The following SLC45A4 variants were observed in gnomAD, a reference collection of about 807,000 sequenced individuals.
SLC45A4 encodes the protein polyamine-transporter SLC45A4.
A neutral mutation model predicts 63.7 loss-of-function variants in SLC45A4; 32 were observed. The ratio of observed to expected loss-of-function variants is 0.50; its 90% CI spans 0.38 to 0.67. SLC45A4 has a LOEUF of 0.67. Ranked by LOEUF, SLC45A4 falls within the 30% of genes least tolerant of loss-of-function variation. The pLI is 0.00. For missense variants in SLC45A4, 1,027 were observed against 1,157.7 expected (o/e 0.89, Z 1.64); for synonymous variants, 535 against 510.0 (o/e 1.05, Z -0.66).
intron 1 of SLC45A4, among the ~76,000 whole-genome samples, chr8:141,269,044 C>T (rs1171231306): frequency 1.3e-5 from 2 of 152,246 alleles, no homozygotes; most frequent in Non-Finnish European, 2.9e-5. Context: ...TCTGGGGCTC[C>T]ACCCCAGACC....
At chr8:141,241,431 G>C (rs780466869) in intron 2 of SLC45A4, among the ~76,000 whole-genome samples, 7 of 152,198 alleles carry the variant, frequency 4.6e-5, no homozygotes, top group Non-Finnish European at 8.8e-5. Flanking sequence ...GGAGGCTGCG[G>C]GACAGGAGTG....
At chr8:141,238,612 A>C (rs1034949220) in intron 2 of SLC45A4, among the ~76,000 whole-genome samples, 1 of 151,682 alleles carries the variant, frequency 6.6e-6, no homozygotes, top group East Asian at 1.9e-4. Context: ...GTCTTCCCCC[A>C]CCACCGCATC....
intron 2 of SLC45A4, among the ~76,000 whole-genome samples, chr8:141,231,651 A>G (rs1269280823): frequency 6.6e-6 from 1 of 152,218 alleles, no homozygotes; most frequent in Non-Finnish European, 1.5e-5. Flanking sequence ...CCTCGAGCCA[A>G]GGTGCAGGCA....
rs374846467 is a variant in SLC45A4 at position 141,278,508 on chromosome 8, G to A, written c.-400-23879C>T. ...AGGGGTGAGCACCTGTGGTGGAGGC[G>A]GGGCGGGCGGCCGACCCACGAGGAC... On this transcript the variant is annotated intron_variant, in intron 1 of 8. Transcript: ENST00000517878. This position sits in a 1 kb window ranked among gnomAD's most constrained non-coding sequence, Gnocchi z 4.1. 7.3e-5 allele frequency among the ~76,000 whole-genome samples: 11 copies of A among 151,568 alleles called. No individual in the cohort carries two copies. Among genetic ancestry groups the A allele is most frequent in the African/African-American group, 2.2e-4 (9 of 41,306 alleles).
chr8:141,307,121 A>C (rs1346871110), intron 1 of SLC45A4, among the ~76,000 whole-genome samples: 1 of 152,136 alleles, frequency 6.6e-6, no homozygotes, highest in Admixed American at 6.5e-5. Flanking sequence ...GCCTTCTAGA[A>C]TCATTCTGAA....
At chr8:141,244,077 A>C (rs1255642007) in intron 2 of SLC45A4, among the ~76,000 whole-genome samples, 1 of 152,074 alleles carries the variant, frequency 6.6e-6, no homozygotes, top group Non-Finnish European at 1.5e-5. Context: ...CTGTATACCC[A>C]ACTGCCCTCC....
At chr8:141,287,365 G>C (rs2154615213) in intron 1 of SLC45A4, among the ~76,000 whole-genome samples, 1 of 152,234 alleles carries the variant, frequency 6.6e-6, no homozygotes, top group East Asian at 1.9e-4. Context: ...GATAGGTGAG[G>C]TCACCTGGAT....
Position 141,218,743 on chromosome 8 carries a change from G to C in SLC45A4, c.897C>G (p.Asp299Glu), listed in dbSNP as rs61995886. 1.2e-6 allele frequency: 2 copies of C among 1,611,180 alleles called. No individual in the cohort carries two copies. The highest frequency in any genetic ancestry group is 1.7e-6 in the Non-Finnish European group (2 of 1,178,778). Residue 299 changes from aspartate to glutamate, a missense_variant, in exon 5 of 9, where the codon GAC becomes GAG. Asp to Glu is a conservative substitution (Grantham distance 45). Transcript: ENST00000517878. ...CGCTTTTGCTGCGCATGATGTCCAC[G>C]TCCGGGTAGTCCAGGGCCAGCTCGT... ...SEHELALDYPDVDIMRSKSDS... is the reference protein window; with the variant it reads ...SEHELALDYPEVDIMRSKSDS...
rs747733966 is a variant in SLC45A4, at chr8:141,218,416, C to T, written c.1224G>A (p.Thr408=). The T allele has an allele frequency of 1.2e-5, 19 of 1,610,910 alleles. No homozygotes were observed. Among genetic ancestry groups the T allele is most frequent in the Admixed American group, 1.2e-4 (7 of 60,006 alleles). ...YTRVDTKPSA[T]SSSMRRRRHA... ...GCCGCCGCCGCCGCATGGAGCTCGACGTGGCCGAGGGCTTCGTGTCCACCC... is the reference window on the plus strand; with the variant it reads ...GCCGCCGCCGCCGCATGGAGCTCGATGTGGCCGAGGGCTTCGTGTCCACCC... Residue 408 remains threonine (T), a synonymous_variant, in exon 5 of 9, where the codon ACG becomes ACA. Transcript: ENST00000517878.
In SLC45A4 at chr8:141,302,516, T is replaced by C. The variant is rs552326262; in HGVS notation, c.-401+5580A>G. ...ACTTGGCTAATTTTTGTATTTTTAG[T>C]AGAGATGGTTTTGCCATGTTGGCCA... On this transcript the variant is annotated intron_variant, in intron 1 of 8. Transcript: ENST00000517878. Among the ~76,000 whole-genome samples the C allele has an allele frequency of 2.0e-5, 3 of 152,160 alleles. No homozygotes were observed. The East Asian group carries it at 5.8e-4, about 29-fold the overall frequency.
rs370052218 is a variant in SLC45A4, at chr8:141,212,322, C to A, written c.2176G>T (p.Glu726Ter). The A allele has an allele frequency of 6.2e-6, 10 of 1,611,126 alleles. No homozygotes were observed. In the African/African-American group the frequency reaches 8.0e-5, roughly 13 times the overall value. Residue 726 changes from glutamate (E) to a stop codon, truncating the protein, a stop_gained, in exon 8 of 9, where the codon GAG (glutamate) becomes TAG (stop). Coordinates refer to ENST00000517878, the MANE Select transcript of SLC45A4 (RefSeq NM_001286646.2). LOFTEE classifies it high-confidence loss of function. ...YPNVSEEAKEEQKGLSSPLAG... is the reference protein window; with the variant it reads ...YPNVSEEAKE Reference sequence around the variant, plus strand: ...AACGGGGAAGACAGGCCTTTCTGCTCCTCCTTGGCCTCCTCTGACACGTTG... The same window carrying A: ...AACGGGGAAGACAGGCCTTTCTGCTACTCCTTGGCCTCCTCTGACACGTTG...
chr8:141,301,414 T>G (rs564824508), intron 1 of SLC45A4, among the ~76,000 whole-genome samples: 2 of 152,128 alleles, frequency 1.3e-5, no homozygotes, highest in African/African-American at 4.8e-5. Flanking sequence ...ATGTTTTAAA[T>G]TGCAATATAT....
At chr8:141,282,510 C>T (rs1829992538) in intron 1 of SLC45A4, among the ~76,000 whole-genome samples, 1 of 152,220 alleles carries the variant, frequency 6.6e-6, no homozygotes, top group Non-Finnish European at 1.5e-5. Flanking sequence ...CACGCCGCCT[C>T]CATCGCTGCC....
intron 1 of SLC45A4, among the ~76,000 whole-genome samples, chr8:141,262,610 A>G (rs1829084258): frequency 6.6e-6 from 1 of 150,466 alleles, no homozygotes; most frequent in South Asian, 2.1e-4. Context: ...AAACACATGA[A>G]AAAATGCTCA....
chr8:141,245,135 C>A (rs374459615), intron 2 of SLC45A4, among the ~76,000 whole-genome samples: 75 of 152,290 alleles, frequency 4.9e-4, no homozygotes, highest in African/African-American at 1.8e-3. Context: ...ACAGTAATAA[C>A]AGCTAACAAT....
intron 2 of SLC45A4, among the ~76,000 whole-genome samples, chr8:141,249,809 A>C (rs1213092129): frequency 1.3e-5 from 2 of 152,220 alleles, no homozygotes; most frequent in Non-Finnish European, 2.9e-5. Context: ...GTGTCATTTC[A>C]GTCAAACTCT....
intron 1 of SLC45A4, among the ~76,000 whole-genome samples, chr8:141,299,701 T>C (rs1830682288): frequency 6.6e-6 from 1 of 152,316 alleles, no homozygotes; most frequent in South Asian, 2.1e-4. Context: ...TGGGAGCGGA[T>C]TTGCATACTG....
intron 2 of SLC45A4, among the ~76,000 whole-genome samples, chr8:141,233,260 C>A (rs1827458099): frequency 6.6e-6 from 1 of 152,172 alleles, no homozygotes; most frequent in Non-Finnish European, 1.5e-5. Flanking sequence ...TACTGCCACA[C>A]ACTGATTTAG....
At chr8:141,266,973 T>G (rs1829292638) in intron 1 of SLC45A4, among the ~76,000 whole-genome samples, 1 of 152,228 alleles carries the variant, frequency 6.6e-6, no homozygotes, top group African/African-American at 2.4e-5. Flanking sequence ...CAAGCTGTCT[T>G]GAGCTATACT....
Sources: allele counts gnomAD v4.1 joint callset (sites outside exome capture counted in the v4.1 genomes callset), GRCh38; gene constraint gnomAD v4.1.1; non-coding constraint Gnocchi (gnomAD v3.1); transcripts MANE v1.5; gene names NCBI Gene and HGNC (gene_info 2026-07-23, HGNC 2026-07-21).